The following NEDD4L variants were observed in gnomAD, a reference collection of about 807,000 sequenced individuals.
NEDD4L encodes E3 ubiquitin-protein ligase NEDD4-like.
NEDD4L carries 54 observed loss-of-function variants against 148.9 expected under a neutral mutation model. The observed-to-expected ratio is 0.36, with a 90% CI of 0.29 to 0.45. NEDD4L has a LOEUF of 0.45. Among genes scored for constraint, NEDD4L ranks in the 20% least tolerant of loss-of-function variants. The pLI, the probability that NEDD4L is intolerant of heterozygous loss-of-function variation, is 1.00. For synonymous variants in NEDD4L, 433 were observed against 440.7 expected, an observed-to-expected ratio of 0.98 and a Z score of 0.22; for missense variants, 856 against 1,233.8, an observed-to-expected ratio of 0.69 and a Z score of 4.59.
chr18:58,340,426 T>C (rs1460918547), intron 13 of NEDD4L, among the ~76,000 whole-genome samples: 3 of 152,206 alleles, frequency 2.0e-5, no homozygotes, highest in African/African-American at 7.2e-5. Context: ...GGCTGGGTGC[T>C]GGGAGACTTC....
intron 5 of NEDD4L, among the ~76,000 whole-genome samples, chr18:58,273,423 C>T (rs2051374013): frequency 6.6e-6 from 1 of 152,156 alleles, no homozygotes; most frequent in African/African-American, 2.4e-5. Flanking sequence ...CGTTGTTACT[C>T]TTACAAATGA....
intron 2 of NEDD4L, among the ~76,000 whole-genome samples, chr18:58,178,549 C>T (rs1282121986): frequency 2.6e-5 from 4 of 152,166 alleles, no homozygotes; most frequent in South Asian, 2.1e-4. Context: ...TGCCCACTTT[C>T]GCTACGGAAT....
chr18:58,298,692 C>G (rs2056039037), intron 5 of NEDD4L, among the ~76,000 whole-genome samples: 2 of 152,182 alleles, frequency 1.3e-5, no homozygotes, highest in Non-Finnish European at 2.9e-5. Flanking sequence ...TAAGTAATCA[C>G]TGTTCCCTCT....
intron 13 of NEDD4L, among the ~76,000 whole-genome samples, chr18:58,337,550 G>A (rs1411480887): frequency 2.6e-5 from 4 of 151,986 alleles, no homozygotes; most frequent in East Asian, 1.9e-4. Flanking sequence ...TGTACACATA[G>A]GTACACATTG....
At chr18:58,227,569 A>G (rs1599922674) in intron 2 of NEDD4L, among the ~76,000 whole-genome samples, 1 of 152,122 alleles carries the variant, frequency 6.6e-6, no homozygotes, top group Admixed American at 6.5e-5. Flanking sequence ...TGCTCTGTCT[A>G]AGGGCTGGAG....
chr18:58,383,255 G>A lies in NEDD4L; in HGVS notation c.2362G>A (p.Val788Met). Residue 788 changes from valine to methionine, a missense_variant, in exon 25 of 31, where the codon GTG becomes ATG. Physicochemically the swap from Val to Met is conservative, Grantham distance 21 (BLOSUM62 1). Transcript: ENST00000400345. Reference sequence around the variant, plus strand: ...GTCTTTGTAATTACAGACATATCAAGTGGATTTGAAGCCCAATGGGTCAGA... The same window carrying A: ...GTCTTTGTAATTACAGACATATCAAATGGATTTGAAGCCCAATGGGTCAGA... ...DEENFGQTYQ[V>M]DLKPNGSEIM... The A allele has an allele frequency of 6.6e-7, 1 of 1,523,204 alleles. No homozygotes were observed. Among genetic ancestry groups the A allele is most frequent in the Non-Finnish European group, 8.9e-7 (1 of 1,120,472 alleles). The allele number at this position is 1,523,204 out of a possible 1,614,324, so 94.4% of individuals were successfully genotyped here.
chr18:58,268,584 T>C (rs937848600), intron 5 of NEDD4L, among the ~76,000 whole-genome samples: 4 of 152,058 alleles, frequency 2.6e-5, no homozygotes, highest in Non-Finnish European at 5.9e-5. Context: ...GATGAGCAGA[T>C]AGACACAATC....
chr18:58,332,889 G>A (rs2041182947), intron 11 of NEDD4L, among the ~76,000 whole-genome samples: 1 of 152,144 alleles, frequency 6.6e-6, no homozygotes, highest in Non-Finnish European at 1.5e-5. Flanking sequence ...AAACAAGTTA[G>A]AGGAATATTA....
At chr18:58,357,673 G>A (rs1568834089) in intron 19 of NEDD4L, among the ~76,000 whole-genome samples, 1 of 152,180 alleles carries the variant, frequency 6.6e-6, no homozygotes, top group Non-Finnish European at 1.5e-5. Context: ...ATCTGTAGAA[G>A]TTTGGGTGAG....
At chr18:58,291,226 A>C (rs923262147) in intron 5 of NEDD4L, among the ~76,000 whole-genome samples, 5 of 152,102 alleles carry the variant, frequency 3.3e-5, no homozygotes, top group African/African-American at 1.2e-4. Context: ...ACCGACCCAC[A>C]TGGTCACACA....
At chr18:58,273,261 A>C (rs1170648705) in intron 5 of NEDD4L, among the ~76,000 whole-genome samples, 1 of 152,260 alleles carries the variant, frequency 6.6e-6, no homozygotes, top group Admixed American at 6.5e-5. Context: ...AGATACCCTC[A>C]GTAGATGCAA....
chr18:58,351,005 A>G lies in NEDD4L; in HGVS notation c.1668A>G (p.Glu556=). The change falls in exon 18 of 31, where the codon GAA becomes GAG. Residue 556 remains glutamate, a synonymous_variant. Transcript: ENST00000400345. ...DLGPLPPGWE[E]RIHLDGRTFY... ...CCGGATACTAGCCTGGCTGGGAAGA[A>G]AGAATTCACTTGGATGGCCGAACGT... 1.9e-6 allele frequency: 3 copies of G among 1,593,476 alleles called. No homozygotes were observed. Among genetic ancestry groups the G allele is most frequent in the South Asian group, 1.1e-5 (1 of 87,184 alleles).
At chr18:58,217,026 C>T (rs1002814542) in intron 2 of NEDD4L, among the ~76,000 whole-genome samples, 6 of 152,154 alleles carry the variant, frequency 3.9e-5, no homozygotes, top group African/African-American at 1.4e-4. Flanking sequence ...AGAGGTACAT[C>T]GTATTGTGTT....
chr18:58,338,241 T>A, intron 13 of NEDD4L, among the ~76,000 whole-genome samples: 1 of 152,246 alleles, frequency 6.6e-6, no homozygotes, highest in East Asian at 1.9e-4. Flanking sequence ...CTAACTGGTT[T>A]GATTACTTTT....
At chr18:58,383,627 C>T (rs1191436462) in intron 25 of NEDD4L, among the ~76,000 whole-genome samples, 5 of 152,166 alleles carry the variant, frequency 3.3e-5, no homozygotes, top group South Asian at 4.1e-4. Flanking sequence ...TTTAGAATTG[C>T]AACGGAGAAC....
chr18:58,175,868 T>G (rs764490720), intron 2 of NEDD4L, among the ~76,000 whole-genome samples: 12 of 152,180 alleles, frequency 7.9e-5, no homozygotes, highest in Non-Finnish European at 1.6e-4. Context: ...CAACGTCCTT[T>G]AAAAATATGT....
intron 2 of NEDD4L, among the ~76,000 whole-genome samples, chr18:58,219,775 C>T (rs1226185196): frequency 6.6e-6 from 1 of 152,164 alleles, no homozygotes; most frequent in South Asian, 2.1e-4. Context: ...AAGACTTCAA[C>T]TTAGGAATTT....
chr18:58,112,570 C>T (rs2085488519), intron 1 of NEDD4L, among the ~76,000 whole-genome samples: 1 of 151,966 alleles, frequency 6.6e-6, no homozygotes, highest in Non-Finnish European at 1.5e-5. Flanking sequence ...TTCACTGCAA[C>T]CTCCACCTCC....
chr18:58,156,211 TA>T (rs1220859632), intron 1 of NEDD4L, among the ~76,000 whole-genome samples: 2 of 152,220 alleles, frequency 1.3e-5, no homozygotes, highest in African/African-American at 4.8e-5. Flanking sequence ...GTGTTCTTCC[TA>T]AAAGGAATTG....
Sources: allele counts gnomAD v4.1 joint callset (sites outside exome capture counted in the v4.1 genomes callset), GRCh38; gene constraint gnomAD v4.1.1; transcripts MANE v1.5; gene names NCBI Gene and HGNC (gene_info 2026-07-23, HGNC 2026-07-21).